Variants in OR10R2 observed in about 807,000 individuals in gnomAD.
OR10R2 encodes the protein olfactory receptor 10R2.
A neutral mutation model predicts 2.4 loss-of-function variants in OR10R2; 1 was observed. The observed-to-expected ratio is 0.41, with a 90% CI of 0.15 to 1.95. The LOEUF (loss-of-function observed/expected upper bound fraction) is 1.95. Ranked by LOEUF, OR10R2 falls within the 30% of genes most tolerant of loss-of-function variation. The pLI, the probability that OR10R2 is intolerant of heterozygous loss-of-function variation, is 0.30. For missense variants in OR10R2, 419 were observed against 373.0 expected (o/e 1.12, Z -1.01); for synonymous variants, 166 against 144.8 (o/e 1.15, Z -1.05).
At chr1:158,479,788 C>T in intron 1 of OR10R2, 150 bp from the exon 2 acceptor site, 1 of 732,658 alleles carries the variant, frequency 1.4e-6, no homozygotes. Flanking sequence ...GACCATGAAC[C>T]AATGAACATG....
chr1:158,479,699 G>C (rs1049524783), intron 1 of OR10R2, among the ~76,000 whole-genome samples: 14 of 152,042 alleles, frequency 9.2e-5, no homozygotes, highest in Non-Finnish European at 1.3e-4. Context: ...TAATCATAAG[G>C]GTTCTTAAAA....
chr1:158,473,767 C>CCTT (rs112195874), intron 1 of OR10R2, among the ~76,000 whole-genome samples: 1,260 of 87,344 alleles, frequency 0.014, 145 homozygotes, highest in African/African-American at 0.048. Flanking sequence ...ATCCTTCCTT[C>CCTT]CTTCCTTCCT....
At chr1:158,476,389 T>C (rs1454793871) in intron 1 of OR10R2, among the ~76,000 whole-genome samples, 1 of 151,144 alleles carries the variant, frequency 6.6e-6, no homozygotes, top group Non-Finnish European at 1.5e-5. Flanking sequence ...CTACTAAAAG[T>C]ACAAAAAAAT....
chr1:158,474,021 CTCTT>C (rs1221107486), intron 1 of OR10R2, among the ~76,000 whole-genome samples: 6 of 149,700 alleles, frequency 4.0e-5, no homozygotes, highest in Non-Finnish European at 8.9e-5. Context: ...CTTTCTTCCT[CTCTT>C]TCTTCTTTCT....
Sources: gnomAD v4.1 joint callset for allele counts (sites outside exome capture counted in the v4.1 genomes callset) on GRCh38, gnomAD v4.1.1 for gene constraint, MANE v1.5 for transcripts, NCBI Gene and HGNC (gene_info 2026-07-23, HGNC 2026-07-21) for gene names.